The following HTR2C variants were observed in gnomAD, a reference collection of about 807,000 sequenced individuals.
HTR2C encodes the protein 5-hydroxytryptamine (serotonin) receptor 2C, G protein-coupled.
A neutral mutation model predicts 21.0 loss-of-function variants in HTR2C; 5 were observed. The ratio of observed to expected loss-of-function variants is 0.24; its 90% confidence interval spans 0.12 to 0.50. The LOEUF is 0.50. HTR2C is among the 20% of genes least tolerant of loss of function. The pLI, the probability that HTR2C is intolerant of heterozygous loss-of-function variation, is 0.98. For synonymous variants in HTR2C, 150 were observed against 145.3 expected (o/e 1.03, Z -0.23); for missense variants, 271 against 371.2 (o/e 0.73, Z 2.22).
At chrX:114,623,523 T>C (rs782416806) in intron 2 of HTR2C, among the ~76,000 whole-genome samples, 13 of 111,920 alleles carry the variant, frequency 1.2e-4, no homozygotes, top group African/African-American at 4.2e-4. Context: ...TTGAAGGATG[T>C]TTTTTATTTT....
At chrX:114,806,885 A>G (rs2070457802) in intron 4 of HTR2C, among the ~76,000 whole-genome samples, 2 of 101,753 alleles carry the variant, frequency 2.0e-5, no homozygotes, top group South Asian at 8.7e-4. Flanking sequence ...TATACACCAT[A>G]TATATACCAT....
intron 2 of HTR2C, among the ~76,000 whole-genome samples, chrX:114,657,471 A>G (rs1930823667): frequency 9.0e-6 from 1 of 111,257 alleles, no homozygotes; most frequent in African/African-American, 3.2e-5. Flanking sequence ...AAATTCAACA[A>G]TACACCCTGA....
intron 2 of HTR2C, among the ~76,000 whole-genome samples, chrX:114,682,151 A>G (rs895943910): frequency 8.1e-5 from 9 of 111,528 alleles, no homozygotes; most frequent in African/African-American, 2.9e-4. Context: ...GGATTTAAAC[A>G]TTAGGAAATT....
chrX:114,810,168 A>G (rs1490776110), intron 4 of HTR2C, among the ~76,000 whole-genome samples: 4 of 110,844 alleles, frequency 3.6e-5, no homozygotes, highest in African/African-American at 9.8e-5. Flanking sequence ...AAAGTCCTCA[A>G]TCCTCTCCCC....
At chrX:114,857,367 A>G (rs2070971186) in intron 5 of HTR2C, among the ~76,000 whole-genome samples, 1 of 111,452 alleles carries the variant, frequency 9.0e-6, no homozygotes, top group Non-Finnish European at 1.9e-5. Flanking sequence ...CATGTTCCAT[A>G]TAAAATAGAC....
At chrX:114,837,079 T>G (rs945568465) in intron 4 of HTR2C, among the ~76,000 whole-genome samples, 1 of 112,140 alleles carries the variant, frequency 8.9e-6, no homozygotes, top group African/African-American at 3.2e-5. Context: ...CTGAAATTTA[T>G]TCAACTTGAA....
intron 4 of HTR2C, among the ~76,000 whole-genome samples, chrX:114,733,333 C>T (rs2069554697): frequency 9.2e-6 from 1 of 109,176 alleles, no homozygotes; most frequent in Admixed American, 9.9e-5. Context: ...TTGCTTGAAC[C>T]TGGGAGGCAG....
intron 3 of HTR2C, among the ~76,000 whole-genome samples, chrX:114,727,639 G>A (rs2069496135): frequency 8.9e-6 from 1 of 112,036 alleles, no homozygotes; most frequent in African/African-American, 3.2e-5. Flanking sequence ...CCAAAGCAAT[G>A]TAAACTCTGA....
intron 5 of HTR2C, among the ~76,000 whole-genome samples, chrX:114,871,111 T>C (rs1320078328): frequency 9.0e-6 from 1 of 111,156 alleles, no homozygotes; most frequent in Non-Finnish European, 1.9e-5. Flanking sequence ...CCATAGGTTT[T>C]GGTATGTTGT....
chrX:114,607,172 C>T (rs1198867095), intron 1 of HTR2C, among the ~76,000 whole-genome samples: 1 of 111,865 alleles, frequency 8.9e-6, no homozygotes, highest in Non-Finnish European at 1.9e-5. Context: ...TCAGTTACTT[C>T]AGGCCATCTG....
At chrX:114,689,959 T>C (rs986129190) in intron 2 of HTR2C, among the ~76,000 whole-genome samples, 13 of 111,681 alleles carry the variant, frequency 1.2e-4, no homozygotes, top group African/African-American at 3.9e-4. Context: ...TTGAACTCAT[T>C]ATTTATAAAA....
intron 1 of HTR2C, chrX:114,589,779 T>A (rs1927558495): frequency 3.4e-6 from 1 of 295,784 alleles, no homozygotes; most frequent in African/African-American, 2.8e-5. Flanking sequence ...ACTAAGCCAA[T>A]TTTTCGGAAA....
chrX:114,634,564 C>A (rs1326735672), intron 2 of HTR2C, among the ~76,000 whole-genome samples: 2 of 111,177 alleles, frequency 1.8e-5, no homozygotes, highest in African/African-American at 6.5e-5. Context: ...AATCCCAGCA[C>A]TTCAGGAGGC....
chrX:114,891,546 C>T (rs2071258853), intron 5 of HTR2C, among the ~76,000 whole-genome samples: 1 of 110,121 alleles, frequency 9.1e-6, no homozygotes, highest in African/African-American at 3.3e-5. Context: ...TGTGTTCCTC[C>T]CATCTTTCCC....
At chrX:114,602,532 T>C in intron 1 of HTR2C, among the ~76,000 whole-genome samples, 2 of 73,422 alleles carry the variant, frequency 2.7e-5, no homozygotes, top group African/African-American at 5.3e-5. Flanking sequence ...CTACTTTTCT[T>C]GAAGACGGAG....
At chrX:114,611,768 G>A (rs1437403569) in intron 1 of HTR2C, among the ~76,000 whole-genome samples, 5 of 111,808 alleles carry the variant, frequency 4.5e-5, no homozygotes, top group African/African-American at 1.6e-4. Flanking sequence ...CGCGATCTCG[G>A]CTCACTGCAA....
intron 5 of HTR2C, among the ~76,000 whole-genome samples, chrX:114,903,580 T>C (rs1255691322): frequency 8.9e-6 from 1 of 112,086 alleles, no homozygotes; most frequent in Non-Finnish European, 1.9e-5. Context: ...TTTGCTACCC[T>C]CTCTTGCTGT....
At chrX:114,831,372 T>A (rs1366050307) in intron 4 of HTR2C, among the ~76,000 whole-genome samples, 2 of 88,456 alleles carry the variant, frequency 2.3e-5, no homozygotes, top group Non-Finnish European at 4.6e-5. Context: ...GTTTCCTGAC[T>A]TTTTAATGAT....
chrX:114,805,976 C>CACCATATATAT (rs1569495679), intron 4 of HTR2C, among the ~76,000 whole-genome samples: 11 of 86,827 alleles, frequency 1.3e-4, no homozygotes, highest in African/African-American at 4.8e-4. Flanking sequence ...CATATATATA[C>CACCATATATAT]ACCATATATA....
Sources: allele counts gnomAD v4.1 joint callset (sites outside exome capture counted in the v4.1 genomes callset), GRCh38; gene constraint gnomAD v4.1.1; transcripts MANE v1.5; gene names NCBI Gene and HGNC (gene_info 2026-07-23, HGNC 2026-07-21).